LIX1L: variants seen among roughly 807,000 people sequenced by gnomAD.
LIX1L encodes the protein LIX1-like protein.
In LIX1L, 20 loss-of-function variants were observed where a neutral mutation model predicts 34.0. The observed-to-expected ratio is 0.59, with a 90% CI of 0.41 to 0.85. The LOEUF is 0.85. Among genes scored for constraint, LIX1L ranks in the 40% least tolerant of loss-of-function variants. LIX1L has a pLI of 0.00. For synonymous variants in LIX1L, 170 were observed against 187.4 expected, an observed-to-expected ratio of 0.91 and a Z score of 0.76; for missense variants, 397 against 447.0, an observed-to-expected ratio of 0.89 and a Z score of 1.01.
At position 145,957,942 on chromosome 1, in the gene LIX1L, G is replaced by T; in HGVS notation, c.-15C>A. The T allele has an allele frequency of 1.4e-6, 2 of 1,457,714 alleles. No individual in the cohort carries two copies. Among genetic ancestry groups the T allele is most frequent in the East Asian group, 2.9e-5 (1 of 34,174 alleles). 90.3% of individuals were successfully genotyped at this position (1,457,714 alleles called of 1,614,324 possible). ...ATAGTCTCCATCCCGGCCGCCAATG[G>T]AGTAGCGCCCCGGAGCCTGCCAGCC... On this transcript the variant is annotated 5_prime_UTR_variant, in exon 1 of 6. Transcript: ENST00000604000.
chr1:145,952,007 G>A (rs1040067674), intron 1 of LIX1L, among the ~76,000 whole-genome samples: 2 of 150,982 alleles, frequency 1.3e-5, no homozygotes, highest in Non-Finnish European at 2.9e-5. Context: ...ATTGTGATCC[G>A]CATTTGAAAA....
intron 2 of LIX1L, 61 bp downstream of exon 2, chr1:145,947,558 G>A: frequency 1.9e-6 from 3 of 1,555,094 alleles, no homozygotes; most frequent in East Asian, 2.3e-5. Context: ...CAAAGTGGTG[G>A]AGAAAGCCGT....
At chr1:145,952,409 A>T (rs976121110) in intron 1 of LIX1L, among the ~76,000 whole-genome samples, 1 of 152,176 alleles carries the variant, frequency 6.6e-6, no homozygotes, top group Non-Finnish European at 1.5e-5. Flanking sequence ...GGGTAGGAAG[A>T]ACTGAGATAT....
intron 1 of LIX1L, among the ~76,000 whole-genome samples, chr1:145,949,903 A>T (rs1473361631): frequency 6.7e-6 from 1 of 149,104 alleles, no homozygotes; most frequent in Non-Finnish European, 1.5e-5. Context: ...TGCAACCTCC[A>T]CCTCCCAGGC....
At chr1:145,954,849 A>T (rs1191378817) in intron 1 of LIX1L, among the ~76,000 whole-genome samples, 1 of 152,218 alleles carries the variant, frequency 6.6e-6, no homozygotes, top group Non-Finnish European at 1.5e-5. Context: ...ACACAAAACT[A>T]TCAGGATAAG....
Position 145,936,539 on chromosome 1 carries a change from T to C in LIX1L, c.785A>G (p.His262Arg). ...ATCATCCAGGGCCCGGTGCGAATAA[T>C]GAGCCAACACCTCCTAGTAGGGGAG... ...RQCSRQEVLA[H>R]YSHRALDDDI... The change falls in exon 6 of 6, where the codon CAT becomes CGT. Residue 262 changes from histidine (H) to arginine (R), a missense_variant. By Grantham distance (29) the His-to-Arg change is conservative. Around this residue, in one of 3 missense-constraint regions of LIX1L, gnomAD observed 174 missense variants for 204.0 expected, o/e 0.85. Coordinates refer to ENST00000604000, the MANE Select transcript of LIX1L (RefSeq NM_153713.3). 2 of 1,614,064 alleles carry C rather than the reference T, an allele frequency of 1.2e-6. No individual in the cohort carries two copies. The highest frequency in any genetic ancestry group is 1.7e-6 in the Non-Finnish European group (2 of 1,180,008).
At chr1:145,947,560 G>GAA in intron 2 of LIX1L, 59 bp downstream of exon 2, 3 of 1,562,992 alleles carry the variant, frequency 1.9e-6, no homozygotes, top group Non-Finnish European at 2.6e-6. Flanking sequence ...AAGTGGTGGA[G>GAA]AAAGCCGTTA....
At chr1:145,944,201 T>A (rs1176973994) in intron 2 of LIX1L, among the ~76,000 whole-genome samples, 3 of 151,678 alleles carry the variant, frequency 2.0e-5, no homozygotes, top group Non-Finnish European at 4.4e-5. Flanking sequence ...TACAAAAAAT[T>A]TAAAAATTAG....
Position 145,935,963 on chromosome 1 carries a change from T to C in LIX1L, c.*347A>G. ...TGGGGCACATAATCCTTATTCAAGT[T>C]ACCTGATATTTGAAAAGAAGGACAC... On this transcript the variant is annotated 3_prime_UTR_variant, in exon 6 of 6. Coordinates refer to ENST00000604000, the MANE Select transcript of LIX1L (RefSeq NM_153713.3). 1 of 266,370 alleles carries C rather than the reference T, an allele frequency of 3.8e-6. No homozygotes were observed. The highest frequency in any genetic ancestry group is 4.1e-5 in the South Asian group (1 of 24,666). The allele number at this position is 266,370 out of a possible 1,614,324, so 16.5% of individuals were successfully genotyped here.
Position 145,936,418 on chromosome 1 carries a change from C to A in LIX1L, c.906G>T (p.Leu302=). The change falls in exon 6 of 6, where the codon CTG becomes CTT. Residue 302 remains leucine (L), a synonymous_variant. Coordinates refer to ENST00000604000, the MANE Select transcript of LIX1L (RefSeq NM_153713.3). Reference sequence around the variant, plus strand: ...CCTTGCCTGCCAGTCGGGCTTCATCCAGCTCCCGCTCAGTAGAGGCCAGCT... The same window carrying A: ...CCTTGCCTGCCAGTCGGGCTTCATCAAGCTCCCGCTCAGTAGAGGCCAGCT... ...SRELASTERE[L]DEARLAGKEL... 6.2e-7 allele frequency: 1 copy of A among 1,614,178 alleles called. No individual in the cohort carries two copies. Among genetic ancestry groups the A allele is most frequent in the South Asian group, 1.1e-5 (1 of 91,068 alleles).
rs200372109 is a variant in LIX1L at position 145,942,703 on chromosome 1, T to C, written c.597+10A>G. 2.5e-6 allele frequency: 4 copies of C among 1,613,754 alleles called. No homozygotes were observed. Among genetic ancestry groups the C allele is most frequent in the Admixed American group, 3.3e-5 (2 of 60,010 alleles). ...CCCACTCTCCTTCCTTCCAGCTCCA[T>C]ACAACTTACATTAAAAGATGCCAGG... On this transcript the variant is annotated intron_variant, in intron 3 of 5. Transcript: ENST00000604000.
In LIX1L at chr1:145,948,485, C is replaced by G. The variant is rs1341080322; in HGVS notation, c.293-703G>C. Reference sequence around the variant, plus strand: ...CCTAATAACCATTCTCGAGCCTGTGCTTCTAGTGAGCACATCCATTGCCAG... The same window carrying G: ...CCTAATAACCATTCTCGAGCCTGTGGTTCTAGTGAGCACATCCATTGCCAG... On this transcript the variant is annotated intron_variant, in intron 1 of 5. Transcript: ENST00000604000. The surrounding 1 kb of genome is among the most constrained non-coding windows in gnomAD (Gnocchi z 4.0). Among the ~76,000 whole-genome samples the G allele has an allele frequency of 6.6e-6, 1 of 152,170 alleles. No individual in the cohort carries two copies. The highest frequency in any genetic ancestry group is 2.4e-5 in the African/African-American group (1 of 41,436).
rs1553757844 is a variant in LIX1L, at chr1:145,936,515, T to A, written c.809A>T (p.Asp270Val). ...LAHYSHRALD[D>V]DIRHQMALDW... ...CAAGGCCATTTGGTGGCGAATATCA[T>A]CATCCAGGGCCCGGTGCGAATAATG... Residue 270 changes from aspartate to valine, a missense_variant, in exon 6 of 6, where the codon GAT (aspartate) becomes GTT (valine). By Grantham distance (152) the Asp-to-Val change is radical. Around this residue, in one of 3 missense-constraint regions of LIX1L, gnomAD observed 174 missense variants for 204.0 expected, o/e 0.85. Transcript: ENST00000604000. 1 of 1,614,010 alleles carries A rather than the reference T, an allele frequency of 6.2e-7. No homozygotes were observed. Among genetic ancestry groups the A allele is most frequent in the African/African-American group, 1.3e-5 (1 of 74,898 alleles).
chr1:145,947,926 G>A (rs1649170259), intron 1 of LIX1L, 144 bp from the exon 2 acceptor site: 1 of 676,644 alleles, frequency 1.5e-6, no homozygotes, highest in Non-Finnish European at 2.4e-6. Context: ...AAGCATTTAA[G>A]TTAATAAACC....
intron 1 of LIX1L, among the ~76,000 whole-genome samples, chr1:145,952,792 G>A (rs782169112): frequency 3.0e-4 from 46 of 152,116 alleles, no homozygotes; most frequent in Non-Finnish European, 6.0e-4. Context: ...TGTATTTTTA[G>A]TAGAGACGGG....
chr1:145,953,675 T>A (rs1338838656), intron 1 of LIX1L, among the ~76,000 whole-genome samples: 1 of 152,190 alleles, frequency 6.6e-6, no homozygotes, highest in African/African-American at 2.4e-5. Flanking sequence ...GGCAAAGACT[T>A]TGCAGATGAG....
rs1649534826 is a variant in LIX1L at position 145,957,755 on chromosome 1, A to C, written c.173T>G (p.Leu58Arg). 3.6e-6 allele frequency: 5 copies of C among 1,386,148 alleles called. No homozygotes were observed. The highest frequency in any genetic ancestry group is 3.1e-5 in the East Asian group (1 of 32,780). 85.9% of individuals were successfully genotyped at this position (1,386,148 alleles called of 1,614,324 possible). ...PPAPPPPPLL[L>R]SGAPGLPLPP... The stretch of plus-strand genomic sequence containing the variant: ...CAGGGGTAGTCCTGGGGCCCCAGAC[A>C]GGAGCAGCGGCGGCGGGGGCGGTGC... The change falls in exon 1 of 6, where the codon CTG becomes CGG. Residue 58 changes from leucine to arginine, a missense_variant. Coordinates refer to ENST00000604000, the MANE Select transcript of LIX1L (RefSeq NM_153713.3).
chr1:145,957,638 C>T lies in LIX1L; in HGVS notation c.290G>A (p.Arg97Gln), dbSNP rs782763181. Residue 97 changes from arginine to glutamine, a missense_variant and splice_region_variant, in exon 1 of 6, where the codon CGA becomes CAA. Physicochemically the swap from Arg to Gln is conservative, Grantham distance 43 (BLOSUM62 1). Around this residue, in one of 3 missense-constraint regions of LIX1L, gnomAD observed 207 missense variants for 205.2 expected, o/e 1.01. Transcript: ENST00000604000. ...GGAGGCCAGACCCGCAGACTCACCT[C>T]GGCCATAGCCCTGCGTGTGCTTGGC... ...SFAKHTQGYGRVNVVEALQEF... is the reference protein window; with the variant it reads ...SFAKHTQGYGQVNVVEALQEF... 6.5e-7 allele frequency: 1 copy of T among 1,534,032 alleles called. No individual in the cohort carries two copies. Among genetic ancestry groups the T allele is most frequent in the South Asian group, 1.2e-5 (1 of 82,934 alleles).
chr1:145,951,740 A>G (rs1553759853), intron 1 of LIX1L, among the ~76,000 whole-genome samples: 1 of 152,162 alleles, frequency 6.6e-6, no homozygotes, highest in African/African-American at 2.4e-5. Flanking sequence ...AGCACAATGC[A>G]CTGGGTGACA....
Sources: allele counts gnomAD v4.1 joint callset (sites outside exome capture counted in the v4.1 genomes callset), GRCh38; gene constraint gnomAD v4.1.1; regional missense constraint gnomAD v4.1.1; non-coding constraint Gnocchi (gnomAD v3.1); transcripts MANE v1.5; gene names NCBI Gene and HGNC (gene_info 2026-07-23, HGNC 2026-07-21).